The following ENTPD1 variants were observed in gnomAD, a reference collection of about 807,000 sequenced individuals.
ENTPD1 encodes the protein ATP diphosphohydrolase.
Under a neutral mutation model 57.0 loss-of-function variants are expected in ENTPD1, and 33 were observed. The ratio of observed to expected loss-of-function variants is 0.58; its 90% CI spans 0.44 to 0.77. ENTPD1 has a LOEUF of 0.77. Among genes scored for constraint, ENTPD1 ranks in the 30% least tolerant of loss-of-function variants. The pLI, the probability that ENTPD1 is intolerant of heterozygous loss-of-function variation, is 0.00. For missense variants in ENTPD1, 501 were observed against 603.4 expected, an observed-to-expected ratio of 0.83 and a Z score of 1.78; for synonymous variants, 202 against 218.8, an observed-to-expected ratio of 0.92 and a Z score of 0.68.
intron 2 of ENTPD1, among the ~76,000 whole-genome samples, chr10:95,829,091 A>C (rs566351763): frequency 2.6e-5 from 4 of 152,226 alleles, no homozygotes; most frequent in Non-Finnish European, 5.9e-5. Flanking sequence ...ACTAGAATCC[A>C]GTTTTCTGAT....
chr10:95,743,689 C>A (rs987337819), intron 1 of ENTPD1, among the ~76,000 whole-genome samples: 7 of 151,696 alleles, frequency 4.6e-5, no homozygotes, highest in African/African-American at 1.7e-4. Flanking sequence ...TTTTATTGTT[C>A]AAATTATTCT....
At chr10:95,855,278 T>C (rs1176538086) in intron 7 of ENTPD1, among the ~76,000 whole-genome samples, 2 of 152,160 alleles carry the variant, frequency 1.3e-5, no homozygotes, top group Non-Finnish European at 2.9e-5. Flanking sequence ...TTTTTTGTTT[T>C]CTATTTGCTT....
chr10:95,851,506 C>A (rs528388471), intron 7 of ENTPD1, among the ~76,000 whole-genome samples: 2 of 151,584 alleles, frequency 1.3e-5, no homozygotes, highest in Admixed American at 6.6e-5. Context: ...TGTATACATA[C>A]GCCATGTTGG....
chr10:95,844,723 T>A, intron 5 of ENTPD1, 88 bp downstream of exon 5: 2 of 1,346,232 alleles, frequency 1.5e-6, no homozygotes, highest in Non-Finnish European at 1.1e-6. Context: ...CTAGCCAGAA[T>A]GAATGAATGA....
chr10:95,840,379 TC>T (rs1432124056), intron 3 of ENTPD1, among the ~76,000 whole-genome samples: 1 of 152,232 alleles, frequency 6.6e-6, no homozygotes, highest in Non-Finnish European at 1.5e-5. Flanking sequence ...TCTAAGAAGT[TC>T]CTAGGTGATG....
At chr10:95,726,114 C>CATGAAAA (rs1338430855) in intron 1 of ENTPD1, among the ~76,000 whole-genome samples, 19 of 152,316 alleles carry the variant, frequency 1.2e-4, no homozygotes, top group African/African-American at 4.3e-4. Flanking sequence ...GGAGACTTTT[C>CATGAAAA]ATGAATAAAT....
chr10:95,734,112 C>T (rs980654053), intron 1 of ENTPD1, among the ~76,000 whole-genome samples: 55 of 152,168 alleles, frequency 3.6e-4, no homozygotes, highest in African/African-American at 1.3e-3. Context: ...CCACACTCCC[C>T]CTTTCCTACT....
the ENTPD1 span, among the ~76,000 whole-genome samples, chr10:95,695,303 T>A: frequency 6.6e-6 from 1 of 152,228 alleles, no homozygotes; most frequent in Non-Finnish European, 1.5e-5. Context: ...AAAATATTGC[T>A]CCTCCTAGAC....
chr10:95,830,018 C>A lies in ENTPD1; in HGVS notation c.144+6654C>A, dbSNP rs886815578. ...CCACCTCGGGACTCTGCAGAGAGTCCCCACCAGCAAGAAGGCCCTCCTGAG... is the reference window on the plus strand; with the variant it reads ...CCACCTCGGGACTCTGCAGAGAGTCACCACCAGCAAGAAGGCCCTCCTGAG... On this transcript the variant is annotated intron_variant, in intron 2 of 9. Coordinates refer to ENST00000371205, the MANE Select transcript of ENTPD1 (RefSeq NM_001776.6). Among the ~76,000 whole-genome samples, 3 of 152,044 alleles carry A rather than the reference C, an allele frequency of 2.0e-5. No individual in the cohort carries two copies. In the East Asian group the frequency reaches 5.8e-4, roughly 29 times the overall value.
rs142818569 is a variant in ENTPD1, at chr10:95,867,066, G to T, written c.*683G>T. 9.4e-5 allele frequency: 93 copies of T among 987,122 alleles called. 1 individual carries two copies. The East Asian group carries it at 9.1e-3, about 96-fold the overall frequency. The allele number at this position is 987,122 out of a possible 1,614,324, so 61.1% of individuals were successfully genotyped here. A position where few individuals can be genotyped will look rare whatever the true frequency, so the allele number is the denominator to read the frequency against. ...TACAGAGTGGAACACTCAGACCTGA[G>T]ATTTGCAAAAAGCAGATGTAAATAT... On this transcript the variant is annotated 3_prime_UTR_variant, in exon 10 of 10. Transcript: ENST00000371205.
chr10:95,823,671 G>C (rs1046983348), intron 2 of ENTPD1, among the ~76,000 whole-genome samples: 6 of 152,172 alleles, frequency 3.9e-5, no homozygotes, highest in Non-Finnish European at 8.8e-5. Flanking sequence ...GTAATACTAT[G>C]CCAAGATTCT....
chr10:95,817,921 G>A (rs2098335500), intron 1 of ENTPD1, among the ~76,000 whole-genome samples: 1 of 152,188 alleles, frequency 6.6e-6, no homozygotes, highest in African/African-American at 2.4e-5. Flanking sequence ...GTAATAATGT[G>A]TTCAATAAGT....
At chr10:95,810,737 A>G (rs1389715557) in intron 1 of ENTPD1, among the ~76,000 whole-genome samples, 2 of 152,244 alleles carry the variant, frequency 1.3e-5, no homozygotes, top group Non-Finnish European at 2.9e-5. Context: ...TGATTTGGCT[A>G]AAAGCTACTC....
At chr10:95,767,326 A>G (rs924203718) in intron 1 of ENTPD1, among the ~76,000 whole-genome samples, 3 of 150,918 alleles carry the variant, frequency 2.0e-5, no homozygotes, top group Non-Finnish European at 4.4e-5. Flanking sequence ...AAAAAAAAAA[A>G]AAAAAAAGAA....
chr10:95,821,411 T>A (rs1299855899), intron 1 of ENTPD1, among the ~76,000 whole-genome samples: 1 of 152,198 alleles, frequency 6.6e-6, no homozygotes, highest in African/African-American at 2.4e-5. Context: ...GGACAATGTT[T>A]GAGGATGAAG....
At chr10:95,706,890 T>C (rs1051419288), upstream of ENTPD1, among the ~76,000 whole-genome samples, 9 of 152,170 alleles carry the variant, frequency 5.9e-5, no homozygotes, top group Non-Finnish European at 1.2e-4. Flanking sequence ...CCGCCATTCA[T>C]GGCCCGGGTG....
Position 95,814,617 on chromosome 10 carries a change from G to A in ENTPD1, c.17-8620G>A, listed in dbSNP as rs1409583288. Among the ~76,000 whole-genome samples the A allele has an allele frequency of 2.0e-5, 3 of 152,094 alleles. No individual in the cohort carries two copies. The East Asian group carries it at 5.8e-4, about 29-fold the overall frequency. ...ATAGGCTCTCCCCACCCAAAGCTGA[G>A]TCTCAAGGGGTCCACTCAGTATCAG... On this transcript the variant is annotated intron_variant, in intron 1 of 9. Coordinates refer to ENST00000371205, the MANE Select transcript of ENTPD1 (RefSeq NM_001776.6).
chr10:95,865,361 G>A (rs562930995), intron 9 of ENTPD1, among the ~76,000 whole-genome samples: 8 of 152,334 alleles, frequency 5.3e-5, no homozygotes, highest in Admixed American at 5.2e-4. Flanking sequence ...CTTAGCCTGA[G>A]TCCGGAAGAA....
intron 1 of ENTPD1, among the ~76,000 whole-genome samples, chr10:95,720,264 C>A (rs1159059648): frequency 6.6e-6 from 1 of 152,030 alleles, no homozygotes; most frequent in African/African-American, 2.4e-5. Flanking sequence ...CGTCTGTTGC[C>A]CAGACTTCAG....
Sources: gnomAD v4.1 joint callset for allele counts (sites outside exome capture counted in the v4.1 genomes callset) on GRCh38, gnomAD v4.1.1 for gene constraint, MANE v1.5 for transcripts, NCBI Gene and HGNC (gene_info 2026-07-23, HGNC 2026-07-21) for gene names.